The following LRRC43 variants were observed in gnomAD, a reference collection of about 807,000 sequenced individuals.
LRRC43 encodes the protein leucine rich repeat containing 43.
LRRC43 carries 62 observed loss-of-function variants against 64.3 expected under a neutral mutation model. The observed-to-expected ratio is 0.96, with a 90% CI of 0.79 to 1.19. The LOEUF (loss-of-function observed/expected upper bound fraction) is 1.19. Among genes scored for constraint, LRRC43 ranks in the 50% most tolerant of loss-of-function variants. The pLI is 0.00. For synonymous variants in LRRC43, 422 were observed against 382.3 expected (o/e 1.10, Z -1.21); for missense variants, 868 against 845.0 (o/e 1.03, Z -0.34).
At position 122,200,900 on chromosome 12, in the gene LRRC43, G is replaced by T; in HGVS notation, c.1775G>T (p.Arg592Leu). ...ACCGTGTGCAACTTCGGCGTGGTCC[G>T]CACATTGACATCTGACAGGCTGACG... ...VSTVCNFGVVRTLTSDRLTLA... is the reference protein window; with the variant it reads ...VSTVCNFGVVLTLTSDRLTLA... The change falls in exon 10 of 12, where the codon CGC (arginine) becomes CTC (leucine). Residue 592 changes from arginine (R) to leucine (L), a missense_variant. Coordinates refer to ENST00000339777, the MANE Select transcript of LRRC43 (RefSeq NM_001098519.2). The surrounding 1 kb of genome is among the most constrained non-coding windows in gnomAD (Gnocchi z 4.6). 1 of 1,609,972 alleles carries T rather than the reference G, an allele frequency of 6.2e-7. No homozygotes were observed. Among genetic ancestry groups the T allele is most frequent in the Non-Finnish European group, 8.5e-7 (1 of 1,178,438 alleles).
chr12:122,175,706 G>A (rs1375091963), intron 1 of LRRC43, among the ~76,000 whole-genome samples: 2 of 150,956 alleles, frequency 1.3e-5, no homozygotes, highest in Non-Finnish European at 3.0e-5. Flanking sequence ...CGCTCTTGTT[G>A]CCCAGGCTGG....
At chr12:122,192,255 G>A (rs1036321768) in intron 6 of LRRC43, among the ~76,000 whole-genome samples, 2 of 152,286 alleles carry the variant, frequency 1.3e-5, no homozygotes, top group South Asian at 2.1e-4. Context: ...TCCTGCCTCA[G>A]CCTCCTGAGT....
At chr12:122,175,882 G>A (rs1003445604) in intron 1 of LRRC43, among the ~76,000 whole-genome samples, 5 of 152,092 alleles carry the variant, frequency 3.3e-5, no homozygotes, top group Admixed American at 6.6e-5. Context: ...GGCCAGGCTG[G>A]CCTCTATCTC....
Position 122,187,811 on chromosome 12 carries a change from G to A in LRRC43, c.633G>A (p.Leu211=). 1.2e-6 allele frequency: 2 copies of A among 1,614,158 alleles called. No homozygotes were observed. The highest frequency in any genetic ancestry group is 1.7e-6 in the Non-Finnish European group (2 of 1,180,030). ...GCCACAACAAACTTCTAGGCCCCTT[G>A]GAAAGTCTCTACGTCACCGCTAATC... The part of the protein sequence containing the change: ...GLGHNKLLGP[L]ESLYVTANHW... The change falls in exon 4 of 12, where the codon TTG becomes TTA. Residue 211 remains leucine, a synonymous_variant. Transcript: ENST00000339777.
At chr12:122,199,248 T>C (rs1353919269) in intron 7 of LRRC43, among the ~76,000 whole-genome samples, 1 of 150,658 alleles carries the variant, frequency 6.6e-6, no homozygotes, top group East Asian at 1.9e-4. Flanking sequence ...CTCTGTGTTC[T>C]AGCCTGGGGC....
intron 1 of LRRC43, 26 bp downstream of exon 1, chr12:122,183,320 G>T: frequency 6.8e-7 from 1 of 1,463,070 alleles, no homozygotes; most frequent in East Asian, 2.7e-5. Context: ...CCGGAACTCT[G>T]GGGGCCTGGA....
rs750315190 is a variant in LRRC43, at chr12:122,190,186, T to C, written c.719T>C (p.Met240Thr). ...AACGACCTGACAGACCTGCAGAGCA[T>C]GGTCACCAGCCTGAGGACCCTCCGG... Reference protein sequence around the residue: ...GFNDLTDLQSMVTSLRTLRHL... With the variant: ...GFNDLTDLQSTVTSLRTLRHL... Residue 240 changes from methionine to threonine, a missense_variant, in exon 5 of 12, where the codon ATG (methionine) becomes ACG (threonine). Met to Thr is a moderately conservative substitution (Grantham distance 81). Transcript: ENST00000339777. The C allele has an allele frequency of 6.2e-7, 1 of 1,614,126 alleles. No individual in the cohort carries two copies. The highest frequency in any genetic ancestry group is 1.3e-5 in the African/African-American group (1 of 75,036).
In LRRC43 at chr12:122,200,443, C is replaced by G. The variant is rs1382907872; in HGVS notation, c.1492-89C>G. 8 of 1,609,948 alleles carry G rather than the reference C, an allele frequency of 5.0e-6. No individual in the cohort carries two copies. The highest frequency in any genetic ancestry group is 6.8e-6 in the Non-Finnish European group (8 of 1,177,020). On this transcript the variant is annotated intron_variant, in intron 8 of 11. Coordinates refer to ENST00000339777, the MANE Select transcript of LRRC43 (RefSeq NM_001098519.2). The surrounding 1 kb of genome is among the most constrained non-coding windows in gnomAD (Gnocchi z 4.6). The stretch of plus-strand genomic sequence containing the variant: ...CGCACTCCCTGGTTAGATGAGTTCT[C>G]AGCGCCATTCCAGAAAGGGTGAGGG...
chr12:122,170,719 C>CAAA (rs1326923659), intron 1 of LRRC43, among the ~76,000 whole-genome samples: 1 of 152,160 alleles, frequency 6.6e-6, no homozygotes, highest in Non-Finnish European at 1.5e-5. Flanking sequence ...GTGCGTGTCT[C>CAAA]AGAGTCCTAA....
chr12:122,189,713 C>G (rs1414532032), intron 4 of LRRC43, among the ~76,000 whole-genome samples: 2 of 152,146 alleles, frequency 1.3e-5, no homozygotes. Context: ...ATCAACCCCA[C>G]TCCTGCCCTG....
intron 1 of LRRC43, 38 bp downstream of exon 1, chr12:122,183,332 C>A (rs1022869019): frequency 7.1e-6 from 10 of 1,414,120 alleles, no homozygotes; most frequent in Admixed American, 3.3e-5. Flanking sequence ...GGGCCTGGAC[C>A]GGCTGCGGGG....
chr12:122,195,366 A>G (rs2136054155), intron 7 of LRRC43, among the ~76,000 whole-genome samples: 1 of 151,814 alleles, frequency 6.6e-6, no homozygotes, highest in African/African-American at 2.4e-5. Flanking sequence ...CTCCTGCCTC[A>G]GCCTCCCAAG....
chr12:122,196,147 T>C (rs1953770906), intron 7 of LRRC43, among the ~76,000 whole-genome samples: 1 of 152,186 alleles, frequency 6.6e-6, no homozygotes, highest in South Asian at 2.1e-4. Context: ...CAACAGATAA[T>C]GTTAATATTG....
intron 1 of LRRC43, among the ~76,000 whole-genome samples, chr12:122,168,028 C>G (rs903380044): frequency 4.7e-5 from 7 of 150,302 alleles, no homozygotes; most frequent in African/African-American, 1.2e-4. Flanking sequence ...GTTGGCCAGG[C>G]TGGTCTCAAC....
At chr12:122,177,793 C>A (rs1268578995) in intron 1 of LRRC43, among the ~76,000 whole-genome samples, 1 of 149,580 alleles carries the variant, frequency 6.7e-6, no homozygotes, top group Non-Finnish European at 1.5e-5. Flanking sequence ...TGAGCCACTG[C>A]GCCTGGCCAC....
chr12:122,194,876 A>G (rs1250634549), intron 7 of LRRC43, among the ~76,000 whole-genome samples: 5 of 152,200 alleles, frequency 3.3e-5, no homozygotes, highest in African/African-American at 1.2e-4. Flanking sequence ...CCAAACTACA[A>G]TTTTATAGAT....
intron 10 of LRRC43, 125 bp from the exon 11 acceptor site, chr12:122,201,171 T>C: frequency 1.8e-6 from 2 of 1,114,844 alleles, no homozygotes; most frequent in South Asian, 2.8e-5. Flanking sequence ...GCAGCCACCC[T>C]CACCAGGAGA....
chr12:122,189,734 C>T (rs1953691994), intron 4 of LRRC43, among the ~76,000 whole-genome samples: 1 of 152,270 alleles, frequency 6.6e-6, no homozygotes, highest in Admixed American at 6.5e-5. Flanking sequence ...TCCACTCCTG[C>T]CCTGTCCACA....
intron 11 of LRRC43, 145 bp downstream of exon 11, chr12:122,201,474 GTTA>G: frequency 2.7e-6 from 2 of 740,858 alleles, no homozygotes; most frequent in South Asian, 1.6e-5. Context: ...TAGATCCAGT[GTTA>G]TTATTTCTTC....
Sources: allele counts gnomAD v4.1 joint callset (sites outside exome capture counted in the v4.1 genomes callset), GRCh38; gene constraint gnomAD v4.1.1; non-coding constraint Gnocchi (gnomAD v3.1); transcripts MANE v1.5; gene names NCBI Gene and HGNC (gene_info 2026-07-23, HGNC 2026-07-21).